Variants in SOX6 observed in about 807,000 individuals in gnomAD.
SOX6 encodes the protein SRY-box transcription factor 6.
In SOX6, 11 loss-of-function variants were observed where a neutral mutation model predicts 97.8. That is an observed-to-expected ratio of 0.11 (90% CI 0.07 to 0.19). SOX6 has a LOEUF of 0.19. SOX6 is among the 10% of genes least tolerant of loss of function. The probability of loss-of-function intolerance (pLI) is 1.00; values close to 1 mark genes in which losing one functional copy is unlikely to be tolerated. For synonymous variants in SOX6, 360 were observed against 371.4 expected (o/e 0.97, Z 0.35); for missense variants, 810 against 1,039.5 (o/e 0.78, Z 3.04).
intron 3 of SOX6, among the ~76,000 whole-genome samples, chr11:16,622,344 T>C (rs1432738832): frequency 2.6e-5 from 4 of 152,332 alleles, no homozygotes; most frequent in Non-Finnish European, 5.9e-5. Flanking sequence ...TTAGTGGTGA[T>C]TTCTGAGATT....
intron 5 of SOX6, among the ~76,000 whole-genome samples, chr11:16,184,270 C>A (rs1364469987): frequency 6.6e-6 from 1 of 152,108 alleles, no homozygotes; most frequent in African/African-American, 2.4e-5. Flanking sequence ...AGAAAAATCT[C>A]TGGCTACATT....
chr11:16,497,054 T>A (rs970202131), intron 4 of SOX6, among the ~76,000 whole-genome samples: 1 of 152,146 alleles, frequency 6.6e-6, no homozygotes, highest in African/African-American at 2.4e-5. Context: ...GTAGCCTAAC[T>A]GGGAGGCACC....
intron 4 of SOX6, among the ~76,000 whole-genome samples, chr11:16,575,725 T>G (rs2133201733): frequency 6.6e-6 from 1 of 152,240 alleles, no homozygotes; most frequent in East Asian, 1.9e-4. Context: ...GTAAAGAAAG[T>G]GACTAACATT....
chr11:16,606,150 G>A lies in SOX6; in HGVS notation n.609+5931C>T, dbSNP rs182370358. On this transcript the variant is annotated intron_variant and non_coding_transcript_variant, in intron 4 of 5. Transcript: ENST00000524520. ...TTAAAACAGCCCTCCCCCTAGTCTC[G>A]GTGTGACTAGGGCTCTCCCGGGGTA... Among the ~76,000 whole-genome samples, 827 of 151,600 alleles carry A rather than the reference G, an allele frequency of 5.5e-3. 16 individuals carry two copies. Among genetic ancestry groups the A allele is most frequent in the Non-Finnish European group, 6.2e-3 (421 of 67,904 alleles).
In SOX6 at chr11:16,166,293, C is replaced by A. The variant is rs553142563; in HGVS notation, c.777+17593G>T. 1.3e-3 allele frequency among the ~76,000 whole-genome samples: 200 copies of A among 152,222 alleles called. 1 individual carries two copies. Among genetic ancestry groups the A allele is most frequent in the African/African-American group, 4.7e-3 (196 of 41,528 alleles). On this transcript the variant is annotated intron_variant, in intron 6 of 15. Transcript: ENST00000683767. ...ATAGACTTTACCTCAGTCAAAAGAT[C>A]AAACCAAATCCTAAGTTTCCAACAT...
intron 13 of SOX6, 120 bp downstream of exon 13, chr11:16,014,822 C>T (rs1317748062): frequency 3.3e-6 from 3 of 902,102 alleles, no homozygotes; most frequent in Admixed American, 2.0e-5. Context: ...ATTTCCTTTG[C>T]TTTGCCTAAG....
At chr11:16,294,992 GATTTAAAATCT>G (rs1036435346) in intron 3 of SOX6, among the ~76,000 whole-genome samples, 2 of 151,940 alleles carry the variant, frequency 1.3e-5, no homozygotes, top group African/African-American at 4.8e-5. Flanking sequence ...CTAACTGTCA[GATTTAAAATCT>G]ATTCCCAATC....
At chr11:16,223,232 T>C (rs1198617403) in intron 4 of SOX6, among the ~76,000 whole-genome samples, 1 of 152,122 alleles carries the variant, frequency 6.6e-6, no homozygotes, top group Non-Finnish European at 1.5e-5. Flanking sequence ...AGTCTCTAAA[T>C]CAGTGACCCC....
intron 3 of SOX6, chr11:16,314,998 C>G (rs1855718040): frequency 6.6e-6 from 1 of 152,322 alleles, no homozygotes; most frequent in African/African-American, 2.4e-5. Flanking sequence ...AGTGCAGTGG[C>G]ATGATCTCAG....
At chr11:16,692,916 T>C (rs907394339) in intron 3 of SOX6, among the ~76,000 whole-genome samples, 7 of 152,212 alleles carry the variant, frequency 4.6e-5, no homozygotes, top group Admixed American at 1.3e-4. Flanking sequence ...CACTGAATCA[T>C]ATGAAATTGA....
intron 9 of SOX6, among the ~76,000 whole-genome samples, chr11:16,075,513 G>A (rs1036214567): frequency 2.0e-4 from 31 of 152,190 alleles, no homozygotes; most frequent in Non-Finnish European, 5.9e-5. Flanking sequence ...GCAGGGACAT[G>A]GATGAAGCTG....
chr11:16,413,210 G>A (rs1165909881), intron 1 of SOX6, among the ~76,000 whole-genome samples: 1 of 152,092 alleles, frequency 6.6e-6, no homozygotes, highest in African/African-American at 2.4e-5. Context: ...CAAAAAACAC[G>A]AATCTAGCAA....
Position 16,680,987 on chromosome 11 carries a change from T to C in SOX6, n.429+33843A>G, listed in dbSNP as rs540850883. Among the ~76,000 whole-genome samples, 28 of 152,242 alleles carry C rather than the reference T, an allele frequency of 1.8e-4. No homozygotes were observed. In the South Asian group the frequency reaches 5.8e-3, roughly 32 times the overall value. On this transcript the variant is annotated intron_variant and non_coding_transcript_variant, in intron 3 of 5. Coordinates refer to the SOX6 transcript ENST00000524520. ...GTCCATAGAGACCTACAAACAGACT[T>C]AGACTCCCACACAATAATACTGGGA...
chr11:16,558,056 C>T (rs1175885962), intron 4 of SOX6, among the ~76,000 whole-genome samples: 1 of 151,894 alleles, frequency 6.6e-6, no homozygotes, highest in African/African-American at 2.4e-5. Flanking sequence ...TTCCAACTAT[C>T]AAGAACTTTT....
At chr11:16,219,037 G>A (rs1345935318) in intron 4 of SOX6, among the ~76,000 whole-genome samples, 1 of 152,036 alleles carries the variant, frequency 6.6e-6, no homozygotes, top group Non-Finnish European at 1.5e-5. Context: ...CAAATTCTCT[G>A]AGCTTTAAAA....
chr11:16,328,755 C>T (rs534259076), intron 2 of SOX6, among the ~76,000 whole-genome samples: 7 of 152,204 alleles, frequency 4.6e-5, no homozygotes, highest in Admixed American at 3.9e-4. Context: ...GAAAAGATTT[C>T]GGTTCCAATA....
chr11:16,281,442 G>T (rs191160817), intron 3 of SOX6, among the ~76,000 whole-genome samples: 1 of 152,026 alleles, frequency 6.6e-6, no homozygotes, highest in East Asian at 1.9e-4. Context: ...TCTTTACAAA[G>T]ACACACATAA....
chr11:16,446,058 G>A (rs552415953), intron 1 of SOX6, among the ~76,000 whole-genome samples: 2 of 152,146 alleles, frequency 1.3e-5, no homozygotes, highest in East Asian at 1.9e-4. Context: ...CAGAATAGAC[G>A]TTATTTTTCT....
intron 5 of SOX6, 34 bp downstream of exon 5, chr11:16,186,749 T>C: frequency 6.2e-7 from 1 of 1,610,990 alleles, no homozygotes; most frequent in South Asian, 1.1e-5. Context: ...ACATTCCACA[T>C]CTCCAGTTCG....
Sources: gnomAD v4.1 joint callset for allele counts (sites outside exome capture counted in the v4.1 genomes callset) on GRCh38, gnomAD v4.1.1 for gene constraint, MANE v1.5 for transcripts, NCBI Gene and HGNC (gene_info 2026-07-23, HGNC 2026-07-21) for gene names.